The following SRPRA variants were observed in gnomAD, a reference collection of about 807,000 sequenced individuals.
SRPRA encodes the protein SRP receptor subunit alpha, also known as signal recognition particle receptor subunit alpha.
A neutral mutation model predicts 61.1 loss-of-function variants in SRPRA; 30 were observed. That is an observed-to-expected ratio of 0.49 (90% CI 0.37 to 0.67). The LOEUF is 0.67. Among genes scored for constraint, SRPRA ranks in the 30% least tolerant of loss-of-function variants. The pLI, the probability that SRPRA is intolerant of heterozygous loss-of-function variation, is 0.00. For synonymous variants in SRPRA, 324 were observed against 299.7 expected (o/e 1.08, Z -0.84); for missense variants, 759 against 828.4 (o/e 0.92, Z 1.03).
rs1364023852 is a variant in SRPRA at position 126,267,205 on chromosome 11, T to C, written c.496A>G (p.Asn166Asp). The C allele has an allele frequency of 6.2e-7, 1 of 1,614,146 alleles. No homozygotes were observed. The highest frequency in any genetic ancestry group is 2.2e-5 in the East Asian group (1 of 44,882). The change falls in exon 4 of 14, where the codon AAT becomes GAT. Residue 166 changes from asparagine (N) to aspartate (D), a missense_variant. Physicochemically the swap from Asn to Asp is conservative, Grantham distance 23. Around this residue, in one of 2 missense-constraint regions of SRPRA, gnomAD observed 475 missense variants for 462.5 expected, o/e 1.03. Transcript: ENST00000332118. The surrounding 1 kb of genome is among the most constrained non-coding windows in gnomAD (Gnocchi z 4.2). Reference sequence around the variant, plus strand: ...TTCTTGGCCCCCTTTTTTTTGCTATTCTTTGCTTTTTCCTTGGGCTTTTCC... The same window carrying C: ...TTCTTGGCCCCCTTTTTTTTGCTATCCTTTGCTTTTTCCTTGGGCTTTTCC... ...RGEKPKEKAKNSKKKGAKKEG... is the reference protein window; with the variant it reads ...RGEKPKEKAKDSKKKGAKKEG...
Position 126,267,464 on chromosome 11 carries a change from C to T in SRPRA, c.365+85G>A, listed in dbSNP as rs1372394185. ...AGCAAATTAGGAATGTCTTTGAACA[C>T]ATCAATTTACCACCTTTGAACCACC... On this transcript the variant is annotated intron_variant, in intron 3 of 13. Coordinates refer to ENST00000332118, the MANE Select transcript of SRPRA (RefSeq NM_003139.4). This position sits in a 1 kb window ranked among gnomAD's most constrained non-coding sequence, Gnocchi z 4.2. The T allele has an allele frequency of 6.9e-6, 11 of 1,591,242 alleles. No homozygotes were observed. The East Asian group carries it at 1.8e-4, about 26-fold the overall frequency.
At chr11:126,237,856 CAAAAAAA>C in the SRPRA span, among the ~76,000 whole-genome samples, 2 of 60,030 alleles carry the variant, frequency 3.3e-5, no homozygotes, top group Admixed American at 1.8e-4. Context: ...ACTCCGTCTC[CAAAAAAA>C]AAAAAAAAAA....
chr11:126,262,096 G>A (rs778216820), downstream of SRPRA: 1 of 1,613,768 alleles, frequency 6.2e-7, no homozygotes, highest in East Asian at 2.2e-5. Context: ...ACTTCATTTT[G>A]TTCTCTTTTC....
At chr11:126,246,759 T>C in the SRPRA span, among the ~76,000 whole-genome samples, 1 of 152,148 alleles carries the variant, frequency 6.6e-6, no homozygotes, top group Non-Finnish European at 1.5e-5. Flanking sequence ...TTGTTTTTAC[T>C]AAGTTTCAGG....
chr11:126,243,819 G>A, the SRPRA span, among the ~76,000 whole-genome samples: 5 of 151,488 alleles, frequency 3.3e-5, no homozygotes, highest in Admixed American at 2.0e-4. Flanking sequence ...CAGGAGAATT[G>A]CTGGAACCCG....
chr11:126,259,781 C>T (rs534664874), downstream of SRPRA, among the ~76,000 whole-genome samples: 95 of 151,006 alleles, frequency 6.3e-4, no homozygotes, highest in African/African-American at 2.2e-3. Flanking sequence ...AGTGCAGTGG[C>T]GCAATCTCAG....
chr11:126,244,923 A>G, the SRPRA span: 1 of 152,214 alleles, frequency 6.6e-6, no homozygotes, highest in East Asian at 1.9e-4. The surrounding 1 kb of genome is among the most constrained non-coding windows in gnomAD (Gnocchi z 4.5). Context: ...AAGACTTAAT[A>G]TTATTAAGAT....
At chr11:126,243,390 G>A in the SRPRA span, among the ~76,000 whole-genome samples, 1 of 151,388 alleles carries the variant, frequency 6.6e-6, no homozygotes, top group Admixed American at 6.6e-5. Flanking sequence ...CTTGGGCCCT[G>A]GAGTTCAAGA....
At position 126,267,715 on chromosome 11, in the gene SRPRA, G is replaced by A; in HGVS notation, c.202-3C>T. The A allele has an allele frequency of 6.2e-7, 1 of 1,613,958 alleles. No homozygotes were observed. The highest frequency in any genetic ancestry group is 1.1e-5 in the South Asian group (1 of 91,082). ...GTCAGGATCTTCTGAAAACCAACCT[G>A]TTTAGGGGAAGAAACAGCCAACAGA... is the stretch of plus-strand genomic sequence containing the variant. On this transcript the variant is annotated splice_polypyrimidine_tract_variant and splice_region_variant and intron_variant, in intron 2 of 13. Transcript: ENST00000332118. This position sits in a 1 kb window ranked among gnomAD's most constrained non-coding sequence, Gnocchi z 4.2.
At chr11:126,262,520 C>T, downstream of SRPRA, 1 of 236,536 alleles carries the variant, frequency 4.2e-6, no homozygotes, top group Non-Finnish European at 8.1e-6. Context: ...GTTTTGTACT[C>T]TATACTTGGT....
In SRPRA at chr11:126,268,023, G is replaced by C. The variant is rs1010735534; in HGVS notation, c.181C>G (p.Gln61Glu). The change falls in exon 2 of 14, where the codon CAG becomes GAG. Residue 61 changes from glutamine to glutamate, a missense_variant. Physicochemically the swap from Gln to Glu is conservative, Grantham distance 29. Around this residue, in one of 2 missense-constraint regions of SRPRA, gnomAD observed 475 missense variants for 462.5 expected, o/e 1.03. Coordinates refer to ENST00000332118, the MANE Select transcript of SRPRA (RefSeq NM_003139.4). ...CTTACCACAAACACCAGCTCAAACT[G>C]GTTGTCCAGTTTATACTTGAGTGTG... ...ALTLKYKLDN[Q>E]FELVFVVGFQ... The C allele has an allele frequency of 3.1e-6, 5 of 1,614,010 alleles. No individual in the cohort carries two copies. The highest frequency in any genetic ancestry group is 1.6e-4 in the Middle Eastern group (1 of 6,084).
the SRPRA span, among the ~76,000 whole-genome samples, chr11:126,252,380 C>T: frequency 6.6e-6 from 1 of 152,180 alleles, no homozygotes; most frequent in African/African-American, 2.4e-5. This position sits in a 1 kb window ranked among gnomAD's most constrained non-coding sequence, Gnocchi z 4.7. Context: ...GTCTTTCTTA[C>T]CCTCATAACT....
chr11:126,254,389 C>T, the SRPRA span: 7 of 1,614,130 alleles, frequency 4.3e-6, no homozygotes, highest in Admixed American at 6.7e-5. Flanking sequence ...CATTGTCCTT[C>T]ATCCGGCTGG....
the SRPRA span, among the ~76,000 whole-genome samples, chr11:126,252,440 A>AT: frequency 6.6e-6 from 1 of 152,128 alleles, no homozygotes; most frequent in African/African-American, 2.4e-5. The surrounding 1 kb of genome is among the most constrained non-coding windows in gnomAD (Gnocchi z 4.7). Context: ...CTTGGTAAAT[A>AT]TTTTTTTGAT....
chr11:126,268,726 C>T lies in SRPRA; in HGVS notation c.79G>A (p.Gly27Arg), dbSNP rs751457953. 6 of 1,613,858 alleles carry T rather than the reference C, an allele frequency of 3.7e-6. No individual in the cohort carries two copies. Among genetic ancestry groups the T allele is most frequent in the South Asian group, 1.1e-5 (1 of 91,086 alleles). Residue 27 changes from glycine to arginine, a missense_variant, in exon 1 of 14, where the codon GGA (glycine) becomes AGA (arginine). Physicochemically the swap from Gly to Arg is moderately radical, Grantham distance 125. Around this residue, in one of 2 missense-constraint regions of SRPRA, gnomAD observed 475 missense variants for 462.5 expected, o/e 1.03. Coordinates refer to ENST00000332118, the MANE Select transcript of SRPRA (RefSeq NM_003139.4). ...GAACGAATCAACGCGTTAACGGGTCCGGTGCATGAGTCGCTAACGCCCTGG... is the reference window on the plus strand; with the variant it reads ...GAACGAATCAACGCGTTAACGGGTCTGGTGCATGAGTCGCTAACGCCCTGG... ...CFQGVSDSCT[G>R]PVNALIRSVL...
At chr11:126,250,821 T>C in the SRPRA span, 3 of 1,055,366 alleles carry the variant, frequency 2.8e-6, no homozygotes, top group Non-Finnish European at 4.1e-6. This position sits in a 1 kb window ranked among gnomAD's most constrained non-coding sequence, Gnocchi z 5.1. Flanking sequence ...TATTGGTATT[T>C]ATGTAGAGCT....
chr11:126,260,255 TCTC>T (rs1251666567), downstream of SRPRA: 1 of 151,842 alleles, frequency 6.6e-6, no homozygotes, highest in Non-Finnish European at 1.5e-5. Context: ...CTGTTCTCAG[TCTC>T]CTAAGTGCAA....
downstream of SRPRA, among the ~76,000 whole-genome samples, chr11:126,260,146 C>T (rs563524674): frequency 2.1e-4 from 32 of 152,290 alleles, no homozygotes; most frequent in African/African-American, 7.0e-4. Context: ...GATCCTCCCA[C>T]CTCAGCCTCC....
At chr11:126,245,164 G>T in the SRPRA span, 1 of 152,036 alleles carries the variant, frequency 6.6e-6, no homozygotes, top group Non-Finnish European at 1.5e-5. Flanking sequence ...CCTAAAGAGG[G>T]GTGAACAAAC....
Sources: gnomAD v4.1 joint callset for allele counts (sites outside exome capture counted in the v4.1 genomes callset) on GRCh38, gnomAD v4.1.1 for gene constraint, gnomAD v4.1.1 regional missense constraint, Gnocchi (gnomAD v3.1) non-coding constraint, MANE v1.5 for transcripts, NCBI Gene and HGNC (gene_info 2026-07-23, HGNC 2026-07-21) for gene names.